Variants in PCDHGB3 observed in about 807,000 individuals in gnomAD.
The protein encoded by PCDHGB3 is protocadherin gamma-B3.
In PCDHGB3, 40 loss-of-function variants were observed where a neutral mutation model predicts 59.2. That is an observed-to-expected ratio of 0.68 (90% CI 0.52 to 0.88). PCDHGB3 has a LOEUF of 0.88. PCDHGB3 is among the 40% of genes least tolerant of loss of function. PCDHGB3 has a pLI of 0.00. For missense variants in PCDHGB3, 1,309 were observed against 1,187.9 expected, an observed-to-expected ratio of 1.10 and a Z score of -1.50; for synonymous variants, 581 against 503.6, an observed-to-expected ratio of 1.15 and a Z score of -2.06.
intron 1 of PCDHGB3, chr5:141,409,596 AC>A: frequency 6.2e-7 from 1 of 1,613,714 alleles, no homozygotes; most frequent in Non-Finnish European, 8.5e-7. Flanking sequence ...GCCGAGAACA[AC>A]CCGCCAGGAG....
rs536970079 is a variant in PCDHGB3 at position 141,405,367 on chromosome 5, T to C, written c.2415+32558T>C. The C allele has an allele frequency of 1.9e-5, 30 of 1,613,694 alleles. No homozygotes were observed. In the African/African-American group the frequency reaches 3.2e-4, roughly 17 times the overall value. The stretch of plus-strand genomic sequence containing the variant: ...CCAAGTTTCCTATAGAAGACACCCC[T>C]TTGGTTCCGGTGAGTTCATTTTTTT... On this transcript the variant is annotated intron_variant, in intron 1 of 3. Transcript: ENST00000576222.
Position 141,415,578 on chromosome 5 carries a change from G to A in PCDHGB3, c.2415+42769G>A, listed in dbSNP as rs372519745. On this transcript the variant is annotated intron_variant, in intron 1 of 3. Transcript: ENST00000576222. ...ATCCTTTGTCTTTGTTAGATGATTCGAAGTTTCCTATAGAGGATACCCCAT... is the reference window on the plus strand; with the variant it reads ...ATCCTTTGTCTTTGTTAGATGATTCAAAGTTTCCTATAGAGGATACCCCAT... 678 of 1,613,890 alleles carry A rather than the reference G, an allele frequency of 4.2e-4. 10 individuals are homozygous for A. In the South Asian group the frequency reaches 6.8e-3, roughly 16 times the overall value.
chr5:141,427,805 A>G lies in PCDHGB3; in HGVS notation c.2415+54996A>G, dbSNP rs1010656936. The G allele has an allele frequency of 3.3e-6, 5 of 1,520,154 alleles. No homozygotes were observed. In the African/African-American group the frequency reaches 4.1e-5, roughly 12 times the overall value. 94.2% of individuals were successfully genotyped at this position (1,520,154 alleles called of 1,614,324 possible). ...TGTCGTCCTACGTGTCCGTGAGCGC[A>G]CAGAGCGGGGTGGTGGTCGCGCAGC... On this transcript the variant is annotated intron_variant, in intron 1 of 3. Coordinates refer to ENST00000576222, the MANE Select transcript of PCDHGB3 (RefSeq NM_018924.5).
At chr5:141,378,101 A>C (rs1018772587) in intron 1 of PCDHGB3, 21 of 152,208 alleles carry the variant, frequency 1.4e-4, no homozygotes, top group Admixed American at 1.0e-3. Flanking sequence ...TCAAACTCTA[A>C]AGCAGCATAG....
At chr5:141,382,597 A>G (rs1231482807) in intron 1 of PCDHGB3, 7 of 256,092 alleles carry the variant, frequency 2.7e-5, no homozygotes, top group African/African-American at 6.6e-5. Context: ...AGATGAAACA[A>G]TTTTCTATGA....
chr5:141,499,423 G>GA (rs1229901490), intron 2 of PCDHGB3, among the ~76,000 whole-genome samples: 1 of 151,754 alleles, frequency 6.6e-6, no homozygotes, highest in Non-Finnish European at 1.5e-5. Flanking sequence ...ATGAAAAATA[G>GA]AAAAAAAATT....
chr5:141,465,343 T>A (rs1221229916), intron 1 of PCDHGB3, among the ~76,000 whole-genome samples: 1 of 152,118 alleles, frequency 6.6e-6, no homozygotes, highest in Non-Finnish European at 1.5e-5. Flanking sequence ...TATTGGTTAC[T>A]GAAGAAAAAA....
In PCDHGB3 at chr5:141,370,923, C is replaced by T; in HGVS notation, c.529C>T (p.His177Tyr). The change falls in exon 1 of 4, where the codon CAC (histidine) becomes TAC (tyrosine). Residue 177 changes from histidine (H) to tyrosine (Y), a missense_variant. Physicochemically the swap from His to Tyr is moderately conservative, Grantham distance 83. Coordinates refer to ENST00000576222, the MANE Select transcript of PCDHGB3 (RefSeq NM_018924.5). ...LQQYYLSPDP[H>Y]FSLIQKENLD... ...GCAGTACTACCTCAGCCCTGATCCG[C>T]ACTTCTCTTTGATTCAGAAGGAGAA... The T allele has an allele frequency of 1.9e-6, 3 of 1,614,000 alleles. No individual in the cohort carries two copies. Among genetic ancestry groups the T allele is most frequent in the Non-Finnish European group, 2.5e-6 (3 of 1,179,872 alleles).
At chr5:141,483,100 G>A (rs1051736065) in intron 1 of PCDHGB3, among the ~76,000 whole-genome samples, 11 of 152,078 alleles carry the variant, frequency 7.2e-5, no homozygotes, top group South Asian at 2.1e-4. Flanking sequence ...AAAAGTGTGC[G>A]TGTAAAACAG....
At chr5:141,495,270 G>A (rs1428903664) in intron 2 of PCDHGB3, among the ~76,000 whole-genome samples, 1 of 152,178 alleles carries the variant, frequency 6.6e-6, no homozygotes, top group African/African-American at 2.4e-5. Context: ...GCATTTGACC[G>A]GAGGAGGCGG....
intron 2 of PCDHGB3, among the ~76,000 whole-genome samples, chr5:141,496,827 C>A (rs1595415247): frequency 6.6e-6 from 1 of 151,780 alleles, no homozygotes; most frequent in East Asian, 1.9e-4. Context: ...TAGATGTGAT[C>A]CCAGAACTCA....
At chr5:141,405,035 G>C in intron 1 of PCDHGB3, 1 of 1,613,964 alleles carries the variant, frequency 6.2e-7, no homozygotes, top group South Asian at 1.1e-5. Context: ...CTACCTCGTT[G>C]TGGCTGTGGC....
At position 141,512,047 on chromosome 5, in the gene PCDHGB3, C is replaced by T. The variant is rs1183612907; in HGVS notation, c.*874C>T. 1 of 152,722 alleles carries T rather than the reference C, an allele frequency of 6.5e-6. No individual in the cohort carries two copies. The highest frequency in any genetic ancestry group is 1.5e-5 in the Non-Finnish European group (1 of 68,120). The allele number at this position is 152,722 out of a possible 1,614,324, so 9.5% of individuals were successfully genotyped here. A position where few individuals can be genotyped will look rare whatever the true frequency, so the allele number is the denominator to read the frequency against. On this transcript the variant is annotated 3_prime_UTR_variant, in exon 4 of 4. Coordinates refer to ENST00000576222, the MANE Select transcript of PCDHGB3 (RefSeq NM_018924.5). The stretch of plus-strand genomic sequence containing the variant: ...CCTTGGAGGAGGCTCTGTATGTCCT[C>T]AGGGGACTGACAACATCCTCCAGAT...
At chr5:141,390,529 T>C in intron 1 of PCDHGB3, 1 of 537,128 alleles carries the variant, frequency 1.9e-6, no homozygotes, top group Non-Finnish European at 3.3e-6. Context: ...GAGGGTGTGG[T>C]TTTAACCACA....
intron 1 of PCDHGB3, among the ~76,000 whole-genome samples, chr5:141,407,316 GTATTTATAAA>G (rs2094915018): frequency 6.6e-6 from 1 of 152,094 alleles, no homozygotes; most frequent in Non-Finnish European, 1.5e-5. Flanking sequence ...TTCATACTTA[GTATTTATAAA>G]TATTGAAATG....
At chr5:141,459,606 T>G (rs1430790771) in intron 1 of PCDHGB3, among the ~76,000 whole-genome samples, 1 of 152,250 alleles carries the variant, frequency 6.6e-6, no homozygotes, top group Non-Finnish European at 1.5e-5. Context: ...GGGAAGTATA[T>G]GCTTAACTTT....
chr5:141,433,837 CAAA>C (rs56191208), intron 1 of PCDHGB3, among the ~76,000 whole-genome samples: 5 of 111,684 alleles, frequency 4.5e-5, no homozygotes, highest in Admixed American at 2.0e-4. Flanking sequence ...AACTCTATCT[CAAA>C]AAAAAAAAAA....
chr5:141,384,784 G>T, intron 1 of PCDHGB3: 1 of 1,613,618 alleles, frequency 6.2e-7, no homozygotes, highest in Non-Finnish European at 8.5e-7. Flanking sequence ...GGTGCGCACG[G>T]CTCGGGCCCT....
At position 141,505,908 on chromosome 5, in the gene PCDHGB3, T is replaced by C. The variant is rs114551975; in HGVS notation, c.2563+427T>C. On this transcript the variant is annotated intron_variant, in intron 3 of 3. Coordinates refer to ENST00000576222, the MANE Select transcript of PCDHGB3 (RefSeq NM_018924.5). ...TTAAATGAGATGATACCACAAAGCATAGAGTTCTGGGCCTGGCGCTTGGAA... is the reference window on the plus strand; with the variant it reads ...TTAAATGAGATGATACCACAAAGCACAGAGTTCTGGGCCTGGCGCTTGGAA... 4.0e-3 allele frequency among the ~76,000 whole-genome samples: 608 copies of C among 152,218 alleles called. 3 individuals are homozygous for C. The highest frequency in any genetic ancestry group is 0.013 in the African/African-American group (551 of 41,540).
Sources: allele counts gnomAD v4.1 joint callset (sites outside exome capture counted in the v4.1 genomes callset), GRCh38; gene constraint gnomAD v4.1.1; transcripts MANE v1.5; gene names NCBI Gene and HGNC (gene_info 2026-07-23, HGNC 2026-07-21).